FGD4: variants seen among roughly 807,000 people sequenced by gnomAD.
FGD4 encodes FYVE, RhoGEF and PH domain containing 4.
In FGD4, 42 loss-of-function variants were observed where a neutral mutation model predicts 102.0. The ratio of observed to expected loss-of-function variants is 0.41; its 90% CI spans 0.32 to 0.53. The LOEUF is 0.53. Among genes scored for constraint, FGD4 ranks in the 20% least tolerant of loss-of-function variants. The pLI is 0.21. For missense variants in FGD4, 902 were observed against 1,078.2 expected (o/e 0.84, Z 2.29); for synonymous variants, 380 against 375.7 (o/e 1.01, Z -0.13).
intron 1 of FGD4, among the ~76,000 whole-genome samples, chr12:32,509,025 T>C (rs905132505): frequency 2.0e-5 from 3 of 152,244 alleles, no homozygotes; most frequent in Non-Finnish European, 4.4e-5. Context: ...ATACCAACTT[T>C]TGGTGTTTTC....
Position 32,570,232 on chromosome 12 carries a change from C to T in FGD4, c.319+5943C>T, listed in dbSNP as rs373789474. Among the ~76,000 whole-genome samples, 594 of 114,590 alleles carry T rather than the reference C, an allele frequency of 5.2e-3. 6 individuals carry two copies. The highest frequency in any genetic ancestry group is 0.02 in the African/African-American group (548 of 28,082). 75.2% of individuals were successfully genotyped at this position (114,590 alleles called of 152,430 possible). On this transcript the variant is annotated intron_variant, in intron 2 of 16. Coordinates refer to ENST00000534526, the MANE Select transcript of FGD4 (RefSeq NM_001370298.3). Reference sequence around the variant, plus strand: ...CTCCAGCCTGGGCGATGGGGCAAGACGCTGTCTCAAAAAAAAAAAAAAAAA... The same window carrying T: ...CTCCAGCCTGGGCGATGGGGCAAGATGCTGTCTCAAAAAAAAAAAAAAAAA...
At chr12:32,440,053 T>C (rs1942378950) in intron 1 of FGD4, among the ~76,000 whole-genome samples, 1 of 57,332 alleles carries the variant, frequency 1.7e-5, no homozygotes, top group Non-Finnish European at 3.3e-5. Flanking sequence ...TCCTTCTCTA[T>C]GTTATTTTGA....
At chr12:32,607,583 C>T (rs1565900107) in intron 7 of FGD4, among the ~76,000 whole-genome samples, 2 of 152,200 alleles carry the variant, frequency 1.3e-5, no homozygotes, top group South Asian at 2.1e-4. Flanking sequence ...GATCTTGGCT[C>T]ACTGAAACCT....
At chr12:32,514,481 C>T (rs1313553281) in intron 1 of FGD4, among the ~76,000 whole-genome samples, 1 of 151,986 alleles carries the variant, frequency 6.6e-6, no homozygotes, top group Non-Finnish European at 1.5e-5. Context: ...TGTCTCTCTC[C>T]CCAAATAGAC....
intron 5 of FGD4, 66 bp downstream of exon 5, chr12:32,598,652 A>G: frequency 7.5e-7 from 1 of 1,327,740 alleles, no homozygotes; most frequent in East Asian, 2.3e-5. Context: ...CCTAGTAATT[A>G]GAGTATTTTA....
chr12:32,606,285 C>T (rs1948774062), intron 7 of FGD4, among the ~76,000 whole-genome samples: 1 of 134,094 alleles, frequency 7.5e-6, no homozygotes, highest in Admixed American at 7.8e-5. Context: ...TAACAACTTC[C>T]AAACTAGTTT....
intron 7 of FGD4, 142 bp from the exon 8 acceptor site, chr12:32,607,815 G>C: frequency 1.1e-6 from 1 of 871,790 alleles, no homozygotes; most frequent in Non-Finnish European, 1.8e-6. Context: ...TGCCTGGCCA[G>C]AAATCTGCAT....
At chr12:32,529,377 A>G (rs11052053) in intron 1 of FGD4, among the ~76,000 whole-genome samples, 42,398 of 151,750 alleles carry the variant, frequency 0.28, 6,231 homozygotes, top group Middle Eastern at 0.45. Context: ...CACCCGCCTC[A>G]GCCTCCCGAA....
Position 32,399,834 on chromosome 12 carries a change from T to C in FGD4, c.41T>C (p.Ile14Thr). 1 of 1,531,468 alleles carries C rather than the reference T, an allele frequency of 6.5e-7. No individual in the cohort carries two copies. Among genetic ancestry groups the C allele is most frequent in the Non-Finnish European group, 8.7e-7 (1 of 1,145,372 alleles). The allele number at this position is 1,531,468 out of a possible 1,614,324, so 94.9% of individuals were successfully genotyped here. A position where few individuals can be genotyped will look rare whatever the true frequency, so the allele number is the denominator to read the frequency against. Residue 14 changes from isoleucine (I) to threonine (T), a missense_variant, in exon 1 of 17, where the codon ATC (isoleucine) becomes ACC (threonine). Physicochemically the swap from Ile to Thr is moderately conservative, Grantham distance 89. Transcript: ENST00000534526. Reference sequence around the variant, plus strand: ...GGCTCCAACTTCAGGCGGGTGGCGATCCGGCGGAAGTCCAACCCCTCCTAC... The same window carrying C: ...GGCTCCAACTTCAGGCGGGTGGCGACCCGGCGGAAGTCCAACCCCTCCTAC... ...EGGSNFRRVA[I>T]RRKSNPSYLP...
intron 2 of FGD4, 37 bp downstream of exon 2, chr12:32,564,326 G>A: frequency 7.2e-6 from 11 of 1,527,948 alleles, no homozygotes; most frequent in African/African-American, 4.1e-5. Flanking sequence ...GGGTGGGTAC[G>A]TTGTTGATCA....
At chr12:32,439,361 G>C (rs113614938) in intron 1 of FGD4, among the ~76,000 whole-genome samples, 1 of 152,126 alleles carries the variant, frequency 6.6e-6, no homozygotes, top group African/African-American at 2.4e-5. Flanking sequence ...TTCAGCTGTT[G>C]CTGAACACTT....
intron 1 of FGD4, among the ~76,000 whole-genome samples, chr12:32,495,492 C>T (rs1044705027): frequency 2.0e-5 from 3 of 151,910 alleles, no homozygotes; most frequent in Non-Finnish European, 4.4e-5. Flanking sequence ...GTCAGGAGAT[C>T]GAGACCATCC....
intron 7 of FGD4, among the ~76,000 whole-genome samples, chr12:32,607,420 T>A (rs1162373380): frequency 2.0e-5 from 3 of 152,156 alleles, no homozygotes; most frequent in Non-Finnish European, 4.4e-5. Context: ...AGACTCCGTC[T>A]CAAAAAAAGA....
intron 1 of FGD4, among the ~76,000 whole-genome samples, chr12:32,453,246 T>A (rs868389246): frequency 1.1e-4 from 14 of 125,968 alleles, no homozygotes; most frequent in South Asian, 2.5e-4. Flanking sequence ...TATTTTTTTT[T>A]TTTTAAATGT....
intron 5 of FGD4, among the ~76,000 whole-genome samples, chr12:32,599,979 T>C (rs75538085): frequency 0.022 from 3,412 of 152,292 alleles, 121 homozygotes; most frequent in African/African-American, 0.078. Context: ...ACTTCTGCCA[T>C]TGGAAACTGG....
At chr12:32,430,386 G>A (rs935011225) in intron 1 of FGD4, among the ~76,000 whole-genome samples, 7 of 151,978 alleles carry the variant, frequency 4.6e-5, no homozygotes, top group South Asian at 2.1e-4. Flanking sequence ...CTGGGCAACC[G>A]TACTTTTGGT....
At chr12:32,468,719 G>C (rs1427068831) in intron 1 of FGD4, among the ~76,000 whole-genome samples, 1 of 152,196 alleles carries the variant, frequency 6.6e-6, no homozygotes, top group East Asian at 1.9e-4. Context: ...TGCAGCCTGA[G>C]CAACAGAATG....
At chr12:32,428,804 C>T (rs1356833599) in intron 1 of FGD4, among the ~76,000 whole-genome samples, 4 of 152,072 alleles carry the variant, frequency 2.6e-5, no homozygotes, top group African/African-American at 7.2e-5. Flanking sequence ...TCCTTTCTTC[C>T]GTGTGATTGA....
intron 12 of FGD4, 155 bp from the exon 13 acceptor site, chr12:32,624,821 C>A: frequency 1.4e-6 from 1 of 698,934 alleles, no homozygotes; most frequent in Non-Finnish European, 2.5e-6. Context: ...TACAAATGTG[C>A]ATATATTGTT....
Sources: gnomAD v4.1 joint callset for allele counts (sites outside exome capture counted in the v4.1 genomes callset) on GRCh38, gnomAD v4.1.1 for gene constraint, MANE v1.5 for transcripts, NCBI Gene and HGNC (gene_info 2026-07-23, HGNC 2026-07-21) for gene names.